The following STXBP5L variants were observed in gnomAD, a reference collection of about 807,000 sequenced individuals.
STXBP5L encodes syntaxin-binding protein 5-like.
A neutral mutation model predicts 144.5 loss-of-function variants in STXBP5L; 65 were observed. The observed-to-expected ratio is 0.45, with a 90% CI of 0.37 to 0.55. STXBP5L has a LOEUF of 0.55. STXBP5L is among the 20% of genes least tolerant of loss of function. The pLI is 0.00. For missense variants in STXBP5L, 1,298 were observed against 1,405.5 expected, an observed-to-expected ratio of 0.92 and a Z score of 1.22; for synonymous variants, 505 against 469.6, an observed-to-expected ratio of 1.08 and a Z score of -0.97.
chr3:121,233,546 GA>G, intron 11 of STXBP5L, 69 bp from the exon 12 acceptor site: 1 of 1,144,398 alleles, frequency 8.7e-7, no homozygotes, highest in Non-Finnish European at 1.2e-6. Flanking sequence ...AGGGATAAAG[GA>G]AATGCAATTT....
chr3:121,257,262 A>G lies in STXBP5L; in HGVS notation c.1761A>G (p.Ser587=). ...ATCTCTCAGCCCAGCTTCCTTCTTC[A>G]AGGAGTCTTTCTGGGAGCACTAACA... ...FPDLSAQLPS[S]RSLSGSTNTV... is the part of the protein sequence containing the mutation. Residue 587 remains serine, a synonymous_variant, in exon 17 of 27, where the codon TCA becomes TCG. Coordinates refer to ENST00000471454, the MANE Select transcript of STXBP5L (RefSeq NM_001308330.2). The G allele has an allele frequency of 5.0e-6, 8 of 1,613,902 alleles. No homozygotes were observed. Among genetic ancestry groups the G allele is most frequent in the South Asian group, 2.2e-5 (2 of 91,042 alleles).
intron 22 of STXBP5L, among the ~76,000 whole-genome samples, chr3:121,394,278 A>T (rs886296927): frequency 7.9e-5 from 12 of 152,154 alleles, no homozygotes; most frequent in Non-Finnish European, 5.9e-5. Context: ...TTATATACTG[A>T]AACTTTGCTG....
intron 10 of STXBP5L, among the ~76,000 whole-genome samples, chr3:121,218,679 C>A (rs2048880727): frequency 6.6e-6 from 1 of 151,860 alleles, no homozygotes; most frequent in South Asian, 2.1e-4. Context: ...TAAGGATGAT[C>A]AGATGTTGCC....
intron 23 of STXBP5L, among the ~76,000 whole-genome samples, chr3:121,410,935 T>C (rs1410130539): frequency 6.6e-6 from 1 of 152,066 alleles, no homozygotes; most frequent in African/African-American, 2.4e-5. Flanking sequence ...TTATACAATA[T>C]AGACAATGTA....
At chr3:120,998,455 C>A (rs973923746) in intron 3 of STXBP5L, among the ~76,000 whole-genome samples, 8 of 151,944 alleles carry the variant, frequency 5.3e-5, no homozygotes, top group Admixed American at 3.3e-4. Context: ...CATAGGTATA[C>A]ACGTGCCATG....
At chr3:120,950,168 T>C (rs1310152775) in intron 2 of STXBP5L, among the ~76,000 whole-genome samples, 1 of 152,048 alleles carries the variant, frequency 6.6e-6, no homozygotes, top group East Asian at 1.9e-4. Flanking sequence ...TATTTAAACG[T>C]ACGATCCATT....
intron 22 of STXBP5L, among the ~76,000 whole-genome samples, chr3:121,400,795 T>A (rs2046853653): frequency 6.6e-6 from 1 of 152,164 alleles, no homozygotes; most frequent in African/African-American, 2.4e-5. Flanking sequence ...TCTGGCCAAC[T>A]CCCTGTGAAT....
At chr3:121,414,363 C>T (rs926752586) in intron 24 of STXBP5L, among the ~76,000 whole-genome samples, 5 of 152,048 alleles carry the variant, frequency 3.3e-5, no homozygotes, top group East Asian at 3.9e-4. Context: ...TGGTTTAACC[C>T]GTTGACTCTC....
intron 5 of STXBP5L, among the ~76,000 whole-genome samples, chr3:121,082,002 C>T (rs2042268571): frequency 6.6e-6 from 1 of 152,160 alleles, no homozygotes; most frequent in Admixed American, 6.5e-5. Context: ...CAATACCACA[C>T]TTTTAAAATT....
intron 5 of STXBP5L, among the ~76,000 whole-genome samples, chr3:121,114,103 G>A (rs1251598774): frequency 6.6e-6 from 1 of 152,088 alleles, no homozygotes; most frequent in Non-Finnish European, 1.5e-5. Flanking sequence ...CTTTTGTGGA[G>A]TAACTAAAAA....
At position 121,322,667 on chromosome 3, in the gene STXBP5L, T is replaced by TTG. The variant is rs548957313; in HGVS notation, c.2176+4140_2176+4141dup. On this transcript the variant is annotated intron_variant, in intron 20 of 26. Coordinates refer to ENST00000471454, the MANE Select transcript of STXBP5L (RefSeq NM_001308330.2). ...GTCTTTTTGGTAGAACTATTTCTTT[T>TTG]TGTGTGTGTGTGTGGGGTGGGGGGT... Among the ~76,000 whole-genome samples, 10 of 150,562 alleles carry TTG rather than the reference T, an allele frequency of 6.6e-5. 1 individual carries two copies. The South Asian group carries it at 1.7e-3, about 26-fold the overall frequency.
At chr3:121,304,131 T>C (rs1040876981) in intron 19 of STXBP5L, among the ~76,000 whole-genome samples, 1 of 152,060 alleles carries the variant, frequency 6.6e-6, no homozygotes, top group Non-Finnish European at 1.5e-5. Context: ...TGAAGTAGAC[T>C]TCAAGGCAAG....
chr3:121,002,563 G>A (rs1943874348), intron 3 of STXBP5L, among the ~76,000 whole-genome samples: 1 of 152,006 alleles, frequency 6.6e-6, no homozygotes, highest in African/African-American at 2.4e-5. Context: ...TTATTTTGTT[G>A]TTGTTTTTGC....
chr3:121,172,155 C>A (rs2046746815), intron 9 of STXBP5L, among the ~76,000 whole-genome samples: 1 of 152,068 alleles, frequency 6.6e-6, no homozygotes, highest in Admixed American at 6.6e-5. Flanking sequence ...GAAACTGGAC[C>A]CCTTCCTTAG....
intron 12 of STXBP5L, 116 bp downstream of exon 12, chr3:121,233,804 C>T: frequency 1.3e-6 from 1 of 770,982 alleles, no homozygotes; most frequent in Non-Finnish European, 1.9e-6. Flanking sequence ...GCTAGAATTA[C>T]AGAAATGCAC....
intron 9 of STXBP5L, among the ~76,000 whole-genome samples, chr3:121,185,108 C>G (rs1027753753): frequency 2.0e-5 from 3 of 152,248 alleles, no homozygotes; most frequent in Middle Eastern, 3.4e-3. Flanking sequence ...CAAAAACATA[C>G]CAGATTTTAA....
intron 22 of STXBP5L, among the ~76,000 whole-genome samples, chr3:121,385,326 A>G (rs2108689183): frequency 6.6e-6 from 1 of 152,266 alleles, no homozygotes; most frequent in Admixed American, 6.5e-5. Flanking sequence ...ACATGGCAAG[A>G]GGAAAAGCAA....
intron 7 of STXBP5L, among the ~76,000 whole-genome samples, chr3:121,141,290 C>T (rs186485536): frequency 1.3e-3 from 203 of 152,016 alleles, no homozygotes; most frequent in Non-Finnish European, 2.5e-3. Flanking sequence ...GTAATCCCAG[C>T]GATTCGGGAG....
At chr3:121,392,337 C>T (rs1024536645) in intron 22 of STXBP5L, among the ~76,000 whole-genome samples, 2 of 152,106 alleles carry the variant, frequency 1.3e-5, no homozygotes, top group African/African-American at 2.4e-5. Context: ...AGGGAAATCC[C>T]CCCACCCCTT....
Sources: allele counts gnomAD v4.1 joint callset (sites outside exome capture counted in the v4.1 genomes callset), GRCh38; gene constraint gnomAD v4.1.1; transcripts MANE v1.5; gene names NCBI Gene and HGNC (gene_info 2026-07-23, HGNC 2026-07-21).